The following PDE10A variants were observed in gnomAD, a reference collection of about 807,000 sequenced individuals.
PDE10A encodes cAMP and cAMP-inhibited cGMP 3',5'-cyclic phosphodiesterase 10A.
In PDE10A, 39 loss-of-function variants were observed where a neutral mutation model predicts 97.7. That is an observed-to-expected ratio of 0.40 (90% CI 0.31 to 0.52). The LOEUF is 0.52. Ranked by LOEUF, PDE10A falls within the 20% of genes least tolerant of loss-of-function variation. The probability of loss-of-function intolerance (pLI) is 0.56; values close to 1 mark genes in which losing one functional copy is unlikely to be tolerated. For synonymous variants in PDE10A, 371 were observed against 376.8 expected (o/e 0.98, Z 0.18); for missense variants, 731 against 1,047.8 (o/e 0.70, Z 4.17).
intron 1 of PDE10A, among the ~76,000 whole-genome samples, chr6:165,906,470 C>T (rs1782290078): frequency 6.6e-6 from 1 of 152,088 alleles, no homozygotes; most frequent in African/African-American, 2.4e-5. Flanking sequence ...CACTGTTTTT[C>T]AAACTCCAGG....
At chr6:165,665,831 C>G (rs963812602), upstream of PDE10A, among the ~76,000 whole-genome samples, 1 of 152,130 alleles carries the variant, frequency 6.6e-6, no homozygotes, top group Non-Finnish European at 1.5e-5. Flanking sequence ...TTTTGTATTG[C>G]TAATGAAACT....
intron 1 of PDE10A, among the ~76,000 whole-genome samples, chr6:165,897,145 T>C (rs1781974629): frequency 6.6e-6 from 1 of 152,138 alleles, no homozygotes; most frequent in Non-Finnish European, 1.5e-5. Context: ...CTTCCTGGTG[T>C]CCAAGCACTA....
intron 1 of PDE10A, among the ~76,000 whole-genome samples, chr6:165,859,075 G>A: frequency 6.6e-6 from 1 of 152,236 alleles, no homozygotes; most frequent in Non-Finnish European, 1.5e-5. Flanking sequence ...ATAAGATTAG[G>A]TTCCTGGGAG....
At chr6:165,456,741 TTTC>T (rs1002143174) in intron 3 of PDE10A, among the ~76,000 whole-genome samples, 5 of 152,226 alleles carry the variant, frequency 3.3e-5, no homozygotes, top group African/African-American at 9.6e-5. Context: ...TTTAAAATTT[TTTC>T]TTGTTTATAT....
At chr6:165,469,730 C>T (rs1190067157) in intron 3 of PDE10A, among the ~76,000 whole-genome samples, 1 of 152,126 alleles carries the variant, frequency 6.6e-6, no homozygotes, top group Non-Finnish European at 1.5e-5. Flanking sequence ...TCCAAGATGT[C>T]AGAATTTCAC....
intron 1 of PDE10A, among the ~76,000 whole-genome samples, chr6:165,961,739 A>G (rs890999390): frequency 1.4e-4 from 21 of 152,224 alleles, no homozygotes; most frequent in African/African-American, 5.1e-4. Context: ...TCAGAGCCCC[A>G]GAACAAAACC....
At chr6:165,909,037 C>T (rs1419543532) in intron 1 of PDE10A, 1 of 151,714 alleles carries the variant, frequency 6.6e-6, no homozygotes. Flanking sequence ...TCCAAAATGG[C>T]AATGAAGATC....
chr6:165,546,090 C>T (rs753266918), intron 1 of PDE10A, among the ~76,000 whole-genome samples: 112 of 151,946 alleles, frequency 7.4e-4, no homozygotes, highest in Non-Finnish European at 1.3e-3. Flanking sequence ...TAAAAAGAAA[C>T]GGGCTAACAA....
chr6:165,960,347 G>T (rs530668123), intron 1 of PDE10A, among the ~76,000 whole-genome samples: 1 of 152,212 alleles, frequency 6.6e-6, no homozygotes, highest in African/African-American at 2.4e-5. Context: ...CGTGGAAAAA[G>T]CTTGAAGACA....
chr6:165,931,449 C>T (rs1783131540), intron 1 of PDE10A, among the ~76,000 whole-genome samples: 3 of 152,246 alleles, frequency 2.0e-5, no homozygotes, highest in Admixed American at 1.3e-4. Context: ...TGCTTGTTTG[C>T]ACACTTGTCC....
At chr6:165,910,325 G>A (rs956371299) in intron 1 of PDE10A, among the ~76,000 whole-genome samples, 2 of 152,180 alleles carry the variant, frequency 1.3e-5, no homozygotes, top group Non-Finnish European at 2.9e-5. Context: ...GGCTGGGTCT[G>A]TTTACATTCC....
intron 13 of PDE10A, chr6:165,409,528 CAA>C (rs1320569631): frequency 6.5e-6 from 1 of 155,002 alleles, no homozygotes; most frequent in African/African-American, 2.4e-5. Flanking sequence ...GCCTGGGTGA[CAA>C]AGAGTGAAAC....
At chr6:165,336,424 G>A (rs73028216) in intron 20 of PDE10A, among the ~76,000 whole-genome samples, 28,988 of 152,140 alleles carry the variant, frequency 0.19, 2,895 homozygotes, top group Admixed American at 0.21. Context: ...TAAAACACAT[G>A]AAGATTCAAA....
chr6:165,503,064 C>T (rs111340219), intron 2 of PDE10A, among the ~76,000 whole-genome samples: 10 of 152,270 alleles, frequency 6.6e-5, no homozygotes, highest in African/African-American at 1.9e-4. Flanking sequence ...TAGGCTTGAA[C>T]TCGATGTGAC....
At chr6:165,464,169 G>C (rs1453015477) in intron 3 of PDE10A, among the ~76,000 whole-genome samples, 1 of 152,092 alleles carries the variant, frequency 6.6e-6, no homozygotes, top group African/African-American at 2.4e-5. Context: ...CAACCGAGCT[G>C]GTCTCGGCAT....
chr6:165,680,912 T>C (rs1790957645), intron 1 of PDE10A, among the ~76,000 whole-genome samples: 1 of 152,192 alleles, frequency 6.6e-6, no homozygotes, highest in Non-Finnish European at 1.5e-5. Flanking sequence ...ACTCATTACC[T>C]TCTGCCTGCA....
chr6:165,669,763 A>G (rs759079673), intron 1 of PDE10A, among the ~76,000 whole-genome samples: 3 of 152,180 alleles, frequency 2.0e-5, no homozygotes, highest in South Asian at 2.1e-4. Flanking sequence ...GTCCTGCCCT[A>G]AACTTTCCTG....
chr6:165,774,685 G>C (rs1435247788), intron 1 of PDE10A, among the ~76,000 whole-genome samples: 1 of 149,496 alleles, frequency 6.7e-6, no homozygotes, highest in Non-Finnish European at 1.5e-5. Flanking sequence ...TCTGGAGAGG[G>C]AGGAAGGGCT....
chr6:165,912,701 A>G (rs890061853), intron 1 of PDE10A, among the ~76,000 whole-genome samples: 2 of 152,228 alleles, frequency 1.3e-5, no homozygotes, highest in Non-Finnish European at 2.9e-5. Context: ...TTTGATGTTA[A>G]TGAACCAATA....
Sources: allele counts gnomAD v4.1 joint callset (sites outside exome capture counted in the v4.1 genomes callset), GRCh38; gene constraint gnomAD v4.1.1; transcripts MANE v1.5; gene names NCBI Gene and HGNC (gene_info 2026-07-23, HGNC 2026-07-21).